NPY2R: variants seen among roughly 807,000 people sequenced by gnomAD.
NPY2R encodes neuropeptide Y receptor Y2, also known as neuropeptide Y receptor type 2.
A neutral mutation model predicts 22.3 loss-of-function variants in NPY2R; 17 were observed. That is an observed-to-expected ratio of 0.76 (90% CI 0.52 to 1.14). The LOEUF is 1.14. NPY2R is among the 50% of genes most tolerant of loss of function. The pLI is 0.00. For synonymous variants in NPY2R, 209 were observed against 183.4 expected (o/e 1.14, Z -1.13); for missense variants, 424 against 467.9 (o/e 0.91, Z 0.87).
At chr4:155,177,493 T>TG in the NPY2R span, among the ~76,000 whole-genome samples, 16,195 of 152,118 alleles carry the variant, frequency 0.11, 890 homozygotes, top group East Asian at 0.16. Flanking sequence ...TCCCCACCAG[T>TG]TCAACTTAAA....
At chr4:155,184,228 A>AT in the NPY2R span, among the ~76,000 whole-genome samples, 6,986 of 152,182 alleles carry the variant, frequency 0.046, 515 homozygotes, top group African/African-American at 0.16. Context: ...AGCCTCAAAC[A>AT]ATTTCTCCTT....
the NPY2R span, among the ~76,000 whole-genome samples, chr4:155,183,944 T>G: frequency 6.6e-6 from 1 of 152,166 alleles, no homozygotes; most frequent in Non-Finnish European, 1.5e-5. Context: ...AAATGACAAC[T>G]GTAAGTTCCA....
At chr4:155,213,829 G>T (rs535591815) in intron 1 of NPY2R, 63 bp from the exon 2 acceptor site, 1 of 927,136 alleles carries the variant, frequency 1.1e-6, no homozygotes, top group East Asian at 2.4e-5. Flanking sequence ...TCACCTTTGT[G>T]TTTTCCTCGT....
the NPY2R span, among the ~76,000 whole-genome samples, chr4:155,178,300 G>A: frequency 6.6e-6 from 1 of 152,120 alleles, no homozygotes; most frequent in South Asian, 2.1e-4. Flanking sequence ...AAAAGTGTGG[G>A]TTTCAAGGCA....
the NPY2R span, among the ~76,000 whole-genome samples, chr4:155,201,018 A>G: frequency 1.9e-5 from 1 of 53,306 alleles, no homozygotes; most frequent in African/African-American, 1.7e-4. Context: ...CTTAAAGTAA[A>G]ATAAAATAAA....
the NPY2R span, among the ~76,000 whole-genome samples, chr4:155,197,772 T>A: frequency 6.6e-6 from 1 of 150,522 alleles, no homozygotes; most frequent in Non-Finnish European, 1.5e-5. Flanking sequence ...AGCAAAAACT[T>A]CATGGTGCCC....
chr4:155,185,317 C>T, the NPY2R span, among the ~76,000 whole-genome samples: 5 of 152,014 alleles, frequency 3.3e-5, no homozygotes, highest in African/African-American at 7.2e-5. Flanking sequence ...GGATTACAGG[C>T]GTGAGCCACC....
upstream of NPY2R, among the ~76,000 whole-genome samples, chr4:155,205,803 T>C (rs1027455381): frequency 8.2e-6 from 1 of 121,494 alleles, no homozygotes; most frequent in Non-Finnish European, 1.7e-5. Flanking sequence ...TGAGTCAGGC[T>C]GCTATCTATC....
the NPY2R span, among the ~76,000 whole-genome samples, chr4:155,196,625 AG>A: frequency 6.6e-6 from 1 of 151,900 alleles, no homozygotes; most frequent in Non-Finnish European, 1.5e-5. Flanking sequence ...GAAGAGAAAA[AG>A]GTAGCTGAAG....
chr4:155,174,480 A>T, the NPY2R span, among the ~76,000 whole-genome samples: 103 of 88,704 alleles, frequency 1.2e-3, 2 homozygotes, highest in African/African-American at 4.2e-3. Context: ...ATATATATAT[A>T]TATATTTTTT....
chr4:155,181,418 C>G, the NPY2R span, among the ~76,000 whole-genome samples: 2 of 152,002 alleles, frequency 1.3e-5, no homozygotes, highest in Non-Finnish European at 2.9e-5. Flanking sequence ...ATAGAATATG[C>G]CAACCATTCA....
chr4:155,178,756 T>C, the NPY2R span, among the ~76,000 whole-genome samples: 2 of 152,216 alleles, frequency 1.3e-5, no homozygotes, highest in Non-Finnish European at 2.9e-5. Flanking sequence ...TCCCCCTTTG[T>C]CTATGCTAAA....
chr4:155,191,620 C>G, the NPY2R span, among the ~76,000 whole-genome samples: 2 of 151,832 alleles, frequency 1.3e-5, no homozygotes, highest in African/African-American at 4.8e-5. Context: ...TATGTTTTCT[C>G]CTTCTGTAAC....
chr4:155,197,216 T>A, the NPY2R span, among the ~76,000 whole-genome samples: 1 of 151,944 alleles, frequency 6.6e-6, no homozygotes, highest in East Asian at 1.9e-4. Context: ...AAATAAATAC[T>A]TTTTTTGTGG....
chr4:155,193,207 G>A, the NPY2R span, among the ~76,000 whole-genome samples: 45 of 151,864 alleles, frequency 3.0e-4, no homozygotes, highest in Non-Finnish European at 5.7e-4. Flanking sequence ...CGGTCCCATC[G>A]AATCCTTACA....
At chr4:155,185,305 T>G in the NPY2R span, among the ~76,000 whole-genome samples, 1 of 152,140 alleles carries the variant, frequency 6.6e-6, no homozygotes, top group South Asian at 2.1e-4. Flanking sequence ...CCCAAAGTGA[T>G]GGGATTACAG....
upstream of NPY2R, among the ~76,000 whole-genome samples, chr4:155,205,804 GCTATCTATCTAT>G (rs3836609): frequency 7.0e-3 from 1,022 of 147,028 alleles, 14 homozygotes; most frequent in African/African-American, 0.023. Context: ...GAGTCAGGCT[GCTATCTATCTAT>G]CTATCTATCT....
chr4:155,188,023 G>A, the NPY2R span, among the ~76,000 whole-genome samples: 1 of 152,088 alleles, frequency 6.6e-6, no homozygotes, highest in Non-Finnish European at 1.5e-5. Flanking sequence ...TGGTGGGCCT[G>A]GCGAACAATG....
At chr4:155,204,860 T>C (rs1266971559), upstream of NPY2R, among the ~76,000 whole-genome samples, 1 of 112,290 alleles carries the variant, frequency 8.9e-6, no homozygotes, top group East Asian at 3.1e-4. Flanking sequence ...TCATTCTGTA[T>C]ACTGGGGCGG....
Sources: allele counts gnomAD v4.1 joint callset (sites outside exome capture counted in the v4.1 genomes callset), GRCh38; gene constraint gnomAD v4.1.1; transcripts MANE v1.5; gene names NCBI Gene and HGNC (gene_info 2026-07-23, HGNC 2026-07-21).